BRDT: variants seen among roughly 807,000 people sequenced by gnomAD.
BRDT encodes the protein bromodomain testis associated, also known as bromodomain testis-specific protein.
Under a neutral mutation model 113.9 loss-of-function variants are expected in BRDT, and 77 were observed. The observed-to-expected ratio is 0.68, with a 90% CI of 0.56 to 0.82. The LOEUF is 0.82. Among genes scored for constraint, BRDT ranks in the 40% least tolerant of loss-of-function variants. BRDT has a pLI of 0.00. For synonymous variants in BRDT, 358 were observed against 366.5 expected (o/e 0.98, Z 0.26); for missense variants, 1,027 against 1,105.4 (o/e 0.93, Z 1.01).
intron 1 of BRDT, 126 bp from the exon 2 acceptor site, chr1:91,962,592 C>G (rs1036297086): frequency 4.2e-5 from 20 of 478,720 alleles, no homozygotes; most frequent in Non-Finnish European, 5.9e-5. Context: ...CCTTGGCCTC[C>G]CAAAGTGTTG....
chr1:91,999,104 T>A (rs6699466), intron 15 of BRDT, among the ~76,000 whole-genome samples: 10,165 of 152,014 alleles, frequency 0.067, 400 homozygotes, highest in African/African-American at 0.096. Context: ...GGAGACCAGC[T>A]GGGCTGTTGC....
chr1:91,973,934 A>C (rs1354711908), intron 4 of BRDT, among the ~76,000 whole-genome samples: 1 of 152,216 alleles, frequency 6.6e-6, no homozygotes, highest in African/African-American at 2.4e-5. Flanking sequence ...GTACCAAAAC[A>C]GAGATACAGA....
At chr1:91,997,524 C>A (rs893129284) in intron 15 of BRDT, among the ~76,000 whole-genome samples, 1 of 152,060 alleles carries the variant, frequency 6.6e-6, no homozygotes, top group African/African-American at 2.4e-5. Flanking sequence ...GCTAGGGTAG[C>A]CTTGCCCTTG....
At chr1:91,968,973 G>T (rs1159437913) in intron 4 of BRDT, among the ~76,000 whole-genome samples, 1 of 151,890 alleles carries the variant, frequency 6.6e-6, no homozygotes, top group East Asian at 1.9e-4. Context: ...TCTTCACTCT[G>T]TCGCCCAGGC....
At chr1:92,008,037 C>T (rs1231739587) in intron 18 of BRDT, among the ~76,000 whole-genome samples, 1 of 152,134 alleles carries the variant, frequency 6.6e-6, no homozygotes, top group Non-Finnish European at 1.5e-5. Context: ...CCTGCCTCAG[C>T]CTCCCAAGTA....
intron 1 of BRDT, among the ~76,000 whole-genome samples, chr1:91,961,923 C>T (rs947148468): frequency 5.9e-5 from 9 of 151,690 alleles, no homozygotes; most frequent in African/African-American, 1.7e-4. Flanking sequence ...TTTGGGAGGC[C>T]GAGGCGGGCG....
intron 16 of BRDT, among the ~76,000 whole-genome samples, chr1:92,003,671 A>T (rs1296435373): frequency 6.6e-6 from 1 of 152,218 alleles, no homozygotes; most frequent in Admixed American, 6.5e-5. Context: ...ATTATAGATC[A>T]ATTGTTTCTA....
intron 18 of BRDT, among the ~76,000 whole-genome samples, chr1:92,012,849 G>T (rs1354983187): frequency 6.6e-6 from 1 of 152,018 alleles, no homozygotes; most frequent in Non-Finnish European, 1.5e-5. Flanking sequence ...GGCAGAGGTT[G>T]CAGTGAGCTG....
At chr1:91,968,025 A>G (rs1395781030) in intron 3 of BRDT, 121 bp from the exon 4 acceptor site, 5 of 895,818 alleles carry the variant, frequency 5.6e-6, no homozygotes, top group Non-Finnish European at 7.9e-6. Flanking sequence ...CTAAATTTAT[A>G]AGAGATGAAT....
chr1:92,012,240 T>C (rs1687860131), intron 18 of BRDT, among the ~76,000 whole-genome samples: 1 of 148,952 alleles, frequency 6.7e-6, no homozygotes, highest in Non-Finnish European at 1.5e-5. Context: ...GAGGTTACAG[T>C]GAGCCGAGAT....
At chr1:91,953,099 C>G (rs1681303561) in intron 1 of BRDT, among the ~76,000 whole-genome samples, 1 of 140,306 alleles carries the variant, frequency 7.1e-6, no homozygotes. Flanking sequence ...TATCCCTCCC[C>G]CCTCCCTCCA....
At chr1:92,004,179 G>A (rs959086538) in intron 16 of BRDT, among the ~76,000 whole-genome samples, 9 of 152,202 alleles carry the variant, frequency 5.9e-5, no homozygotes, top group African/African-American at 2.2e-4. Flanking sequence ...TGGCAAGTGT[G>A]CTACTTTAAT....
At chr1:91,990,594 A>G (rs1685661259) in intron 12 of BRDT, among the ~76,000 whole-genome samples, 1 of 152,190 alleles carries the variant, frequency 6.6e-6, no homozygotes, top group Non-Finnish European at 1.5e-5. Context: ...TGTTACTGTT[A>G]TGTAACATAC....
chr1:91,967,973 A>G (rs1463960092), intron 3 of BRDT, among the ~76,000 whole-genome samples, 173 bp from the exon 4 acceptor site: 7 of 152,210 alleles, frequency 4.6e-5, no homozygotes, highest in Non-Finnish European at 5.9e-5. Context: ...GCTTTCAACC[A>G]TAGAGAATAA....
In BRDT at chr1:91,980,594, T is replaced by G. The variant is rs946520429; in HGVS notation, c.1288-49T>G. On this transcript the variant is annotated intron_variant, in intron 8 of 18. Coordinates refer to ENST00000399546, the MANE Select transcript of BRDT (RefSeq NM_207189.4). ...GTGGCTTGATTTTTTTCTAGTTTCT[T>G]TAATTATTTAGAGACATGAATGTTT... 3.0e-6 allele frequency: 4 copies of G among 1,343,734 alleles called. No individual in the cohort carries two copies. In the African/African-American group the frequency reaches 4.5e-5, roughly 15 times the overall value. The allele number at this position is 1,343,734 out of a possible 1,614,324, so 83.2% of individuals were successfully genotyped here.
intron 7 of BRDT, among the ~76,000 whole-genome samples, chr1:91,979,286 T>C (rs1250278220): frequency 6.6e-6 from 1 of 151,868 alleles, no homozygotes; most frequent in Non-Finnish European, 1.5e-5. Flanking sequence ...ACTAATTTTG[T>C]ATTTTTAGCA....
At chr1:91,978,069 T>A in intron 6 of BRDT, 99 bp from the exon 7 acceptor site, 1 of 1,153,594 alleles carries the variant, frequency 8.7e-7, no homozygotes, top group Non-Finnish European at 1.2e-6. Flanking sequence ...CTGTTTTCTG[T>A]ATATTTGAAT....
At chr1:91,969,126 G>A (rs1458891064) in intron 4 of BRDT, among the ~76,000 whole-genome samples, 1 of 151,748 alleles carries the variant, frequency 6.6e-6, no homozygotes, top group African/African-American at 2.4e-5. Flanking sequence ...TTTTTTAGTA[G>A]AGTCGGGGTT....
At chr1:91,974,454 A>G (rs2101637133) in intron 4 of BRDT, among the ~76,000 whole-genome samples, 1 of 152,314 alleles carries the variant, frequency 6.6e-6, no homozygotes, top group East Asian at 1.9e-4. Context: ...AAACAACCCC[A>G]TCAAAAAGTG....
Sources: allele counts gnomAD v4.1 joint callset (sites outside exome capture counted in the v4.1 genomes callset), GRCh38; gene constraint gnomAD v4.1.1; transcripts MANE v1.5; gene names NCBI Gene and HGNC (gene_info 2026-07-23, HGNC 2026-07-21).